Variants in IPO4 observed in about 807,000 individuals in gnomAD.
The protein encoded by IPO4 is importin-4.
In IPO4, 91 loss-of-function variants were observed where a neutral mutation model predicts 133.5. The ratio of observed to expected loss-of-function variants is 0.68; its 90% CI spans 0.58 to 0.81. The LOEUF is 0.81. Among genes scored for constraint, IPO4 ranks in the 30% least tolerant of loss-of-function variants. The pLI is 0.00. For missense variants in IPO4, 1,279 were observed against 1,386.2 expected, an observed-to-expected ratio of 0.92 and a Z score of 1.23; for synonymous variants, 607 against 581.6, an observed-to-expected ratio of 1.04 and a Z score of -0.63.
Position 24,185,249 on chromosome 14 carries a change from GCAC to G in IPO4, c.1339_1341del (p.Val447del), listed in dbSNP as rs745538151. The G allele has an allele frequency of 6.2e-7, 1 of 1,614,160 alleles. No homozygotes were observed. Among genetic ancestry groups the G allele is most frequent in the Non-Finnish European group, 8.5e-7 (1 of 1,180,018 alleles). On this transcript the variant is annotated inframe_deletion, in exon 14 of 30. Coordinates refer to ENST00000354464, the MANE Select transcript of IPO4 (RefSeq NM_024658.4). ...GCTAGGTGGTGTGTGTGTCCAAGAG[GCAC>G]CGACTTCAAGTAGGCGAGGAGCAGT...
intron 17 of IPO4, 37 bp downstream of exon 17, chr14:24,184,261 G>T: frequency 6.4e-7 from 1 of 1,572,926 alleles, no homozygotes; most frequent in East Asian, 2.3e-5. Context: ...CAGGAGGGGA[G>T]GGGACAAGGG....
Position 24,181,720 on chromosome 14 carries a change from T to C in IPO4, c.2931A>G (p.Pro977=). 2.5e-6 allele frequency: 4 copies of C among 1,602,770 alleles called. No individual in the cohort carries two copies. The highest frequency in any genetic ancestry group is 2.6e-6 in the Non-Finnish European group (3 of 1,172,914). The change falls in exon 27 of 30, where the codon CCA becomes CCG. Residue 977 remains proline (P), a synonymous_variant. Transcript: ENST00000354464. Reference sequence around the variant, plus strand: ...TGTCTCCCTCCCTCACCTGGGGCTCTGGTTTCCTGGTGGGACTGGCCATCA... The same window carrying C: ...TGTCTCCCTCCCTCACCTGGGGCTCCGGTTTCCTGGTGGGACTGGCCATCA... ...RLLMASPTRK[P]EPQVLAALLH...
At position 24,187,688 on chromosome 14, in the gene IPO4, G is replaced by A. The variant is rs745989021; in HGVS notation, c.387C>T (p.Ser129=). Reference sequence around the variant, plus strand: ...GTACCTCTCTCTCTGGGCTGTGGGGGCTGTGGGTACTGTGCTGAAGCAGCT... The same window carrying A: ...GTACCTCTCTCTCTGGGCTGTGGGGACTGTGGGTACTGTGCTGAAGCAGCT... ...LLQLLQHSTH[S]PHSPEREMGL... The change falls in exon 5 of 30, where the codon AGC becomes AGT. Residue 129 remains serine, a synonymous_variant. Transcript: ENST00000354464. 1.5e-5 allele frequency: 24 copies of A among 1,614,108 alleles called. No individual in the cohort carries two copies. The highest frequency in any genetic ancestry group is 1.9e-5 in the Non-Finnish European group (22 of 1,180,038).
In IPO4 at chr14:24,185,227, A is replaced by T. The variant is rs2039201873; in HGVS notation, c.1364T>A (p.Leu455Gln). 1 of 1,614,110 alleles carries T rather than the reference A, an allele frequency of 6.2e-7. No homozygotes were observed. The highest frequency in any genetic ancestry group is 2.2e-5 in the East Asian group (1 of 44,878). The change falls in exon 14 of 30, where the codon CTA becomes CAA. Residue 455 changes from leucine (L) to glutamine (Q), a missense_variant. Physicochemically the swap from Leu to Gln is moderately radical, Grantham distance 113. Coordinates refer to ENST00000354464, the MANE Select transcript of IPO4 (RefSeq NM_024658.4). ...CTCCAGGGCATAGCAGGCCTTGGCT[A>T]GGTGGTGTGTGTGTCCAAGAGGCAC... ...KSVPLGHTHH[L>Q]AKACYALENF... is the part of the protein sequence containing the mutation.
chr14:24,186,622 AC>A (rs770445888), intron 9 of IPO4, 85 bp downstream of exon 9: 43 of 1,395,274 alleles, frequency 3.1e-5, no homozygotes, highest in Admixed American at 7.3e-5. Context: ...TACTTTAGAT[AC>A]CCTGAGATGG....
In IPO4 at chr14:24,184,842, CCCTGCCT is replaced by C. The variant is rs1255121377; in HGVS notation, c.1522+18_1522+24del. On this transcript the variant is annotated intron_variant, in intron 15 of 29. Transcript: ENST00000354464. ...CAGGGCCTTTGGGTGAACCCCACAT[CCCTGCCT>C]CCTGCCTCTCTCCTCACCAATGGCT... 1 of 1,609,980 alleles carries C rather than the reference CCCTGCCT, an allele frequency of 6.2e-7. No individual in the cohort carries two copies. The highest frequency in any genetic ancestry group is 8.5e-7 in the Non-Finnish European group (1 of 1,176,968).
intron 14 of IPO4, 45 bp from the exon 15 acceptor site, chr14:24,185,025 C>T (rs770090388): frequency 1.6e-5 from 25 of 1,595,446 alleles, no homozygotes; most frequent in Admixed American, 1.0e-4. Flanking sequence ...AGGTCTGCTA[C>T]CTGCACGCCC....
At chr14:24,181,387 CTGAAACTGTCACCTTGCATCAGG>C (rs1240182392) in intron 28 of IPO4, 103 bp downstream of exon 28, 1 of 725,554 alleles carries the variant, frequency 1.4e-6, no homozygotes, top group African/African-American at 1.7e-5. Flanking sequence ...AAAAGAACAG[CTGAAACTGTCACCTTGCATCAGG>C]TGCAACTGAC....
Position 24,185,935 on chromosome 14 carries a change from G to A in IPO4, c.1095C>T (p.Ser365=), listed in dbSNP as rs1475268660. 6.2e-7 allele frequency: 1 copy of A among 1,613,954 alleles called. No homozygotes were observed. The highest frequency in any genetic ancestry group is 1.3e-5 in the African/African-American group (1 of 74,928). The part of the protein sequence containing the change: ...PMLEEALRSE[S]PYQRKAGLLV... ...GGAGTCCAGCTTTGCGCTGGTATGG[G>A]CTCTCGCTCCGCAAAGCCTCTTCCA... The change falls in exon 12 of 30, where the codon AGC becomes AGT. Residue 365 remains serine, a synonymous_variant. Coordinates refer to ENST00000354464, the MANE Select transcript of IPO4 (RefSeq NM_024658.4).
chr14:24,183,288 T>C lies in IPO4; in HGVS notation c.2189A>G (p.Lys730Arg). ...ALGQFCCALH[K>R]ACQSCPSEPN... ...TTCCGAGGGGCAGCTTTGACAGGCC[T>C]TGTGCAGTGCACAGCAAAACTGACC... Residue 730 changes from lysine to arginine, a missense_variant, in exon 22 of 30, where the codon AAG becomes AGG. Lys to Arg is a conservative substitution (Grantham distance 26). Coordinates refer to ENST00000354464, the MANE Select transcript of IPO4 (RefSeq NM_024658.4). 6.2e-7 allele frequency: 1 copy of C among 1,613,640 alleles called. No homozygotes were observed. Among genetic ancestry groups the C allele is most frequent in the Non-Finnish European group, 8.5e-7 (1 of 1,179,828 alleles).
At position 24,183,257 on chromosome 14, in the gene IPO4, G is replaced by T. The variant is rs755959515; in HGVS notation, c.2220C>A (p.Asn740Lys). 2 of 1,613,650 alleles carry T rather than the reference G, an allele frequency of 1.2e-6. No homozygotes were observed. Among genetic ancestry groups the T allele is most frequent in the South Asian group, 2.2e-5 (2 of 90,996 alleles). ...KACQSCPSEPNTAALQAALAR... is the reference protein window; with the variant it reads ...KACQSCPSEPKTAALQAALAR... ...GGCCCAGCCTCTCCTCACCAGCAGTGTTGGGTTCCGAGGGGCAGCTTTGAC... is the reference window on the plus strand; with the variant it reads ...GGCCCAGCCTCTCCTCACCAGCAGTTTTGGGTTCCGAGGGGCAGCTTTGAC... Residue 740 changes from asparagine (N) to lysine (K), a missense_variant, in exon 22 of 30, where the codon AAC becomes AAA. Coordinates refer to ENST00000354464, the MANE Select transcript of IPO4 (RefSeq NM_024658.4).
In IPO4 at chr14:24,183,878, G is replaced by T; in HGVS notation, c.1890C>A (p.Ser630Arg). ...TCTCATCGTCAAACAGAAGGAAGGA[G>T]CTGCTCCCGTCATACTGAGGCTGGA... is the stretch of plus-strand genomic sequence containing the variant. ...EGIVPQYDGS[S>R]SFLLFDDESD... Residue 630 changes from serine (S) to arginine (R), a missense_variant, in exon 19 of 30, where the codon AGC becomes AGA. By Grantham distance (110) the Ser-to-Arg change is moderately radical. Transcript: ENST00000354464. The T allele has an allele frequency of 6.2e-7, 1 of 1,614,054 alleles. No homozygotes were observed. The highest frequency in any genetic ancestry group is 8.5e-7 in the Non-Finnish European group (1 of 1,180,020).
intron 17 of IPO4, 29 bp from the exon 18 acceptor site, chr14:24,184,138 A>G (rs1452482060): frequency 6.2e-7 from 1 of 1,600,810 alleles, no homozygotes; most frequent in African/African-American, 1.3e-5. Flanking sequence ...AGAAGCTGTA[A>G]GGTCCTGCCT....
In IPO4 at chr14:24,187,523, G is replaced by C. The variant is rs145493403; in HGVS notation, c.465C>G (p.Pro155=). The C allele has an allele frequency of 3.7e-6, 6 of 1,614,044 alleles. No homozygotes were observed. The East Asian group carries it at 1.3e-4, about 36-fold the overall frequency. The change falls in exon 6 of 30, where the codon CCC becomes CCG. Residue 155 remains proline (P), a synonymous_variant. Transcript: ENST00000354464. ...GAAGCCGAAGAAGCTCCCGGTGGTG[G>C]GGTTGGAAGGCCTCGGGCCGGGAGG... ...VVTSRPEAFQ[P]HHRELLRLLN...
At chr14:24,186,554 T>C in intron 9 of IPO4, 103 bp from the exon 10 acceptor site, 1 of 1,422,708 alleles carries the variant, frequency 7.0e-7, no homozygotes, top group Non-Finnish European at 9.5e-7. Context: ...GACAGAAAAT[T>C]CCCAACCTCC....
intron 12 of IPO4, 28 bp downstream of exon 12, chr14:24,185,833 C>G (rs1456570684): frequency 1.3e-6 from 2 of 1,564,752 alleles, no homozygotes; most frequent in Non-Finnish European, 1.8e-6. Flanking sequence ...TGTGGGCAAC[C>G]CTCACCCTGG....
intron 2 of IPO4, 31 bp from the exon 3 acceptor site, chr14:24,188,454 C>A: frequency 6.2e-7 from 1 of 1,609,594 alleles, no homozygotes; most frequent in Non-Finnish European, 8.5e-7. Flanking sequence ...CGTGGGGGTC[C>A]GGGCAGGAAG....
chr14:24,187,909 G>A lies in IPO4; in HGVS notation c.279-113C>T, dbSNP rs1224123892. The A allele has an allele frequency of 1.0e-5, 14 of 1,357,062 alleles. No individual in the cohort carries two copies. The Admixed American group carries it at 2.0e-4, about 20-fold the overall frequency. 84.1% of individuals were successfully genotyped at this position (1,357,062 alleles called of 1,614,324 possible). The stretch of plus-strand genomic sequence containing the variant: ...AACTTTCAGGAGGTGTGGGCACAGG[G>A]TCTTTGCCAAGTTGGGACACATGAG... On this transcript the variant is annotated intron_variant, in intron 4 of 29. Coordinates refer to ENST00000354464, the MANE Select transcript of IPO4 (RefSeq NM_024658.4).
At chr14:24,185,631 GT>G in intron 12 of IPO4, 64 bp from the exon 13 acceptor site, 1 of 1,434,498 alleles carries the variant, frequency 7.0e-7, no homozygotes. Flanking sequence ...AGGCTGACCT[GT>G]TCTCTTCATT....
Sources: gnomAD v4.1 joint callset for allele counts on GRCh38, gnomAD v4.1.1 for gene constraint, MANE v1.5 for transcripts, NCBI Gene and HGNC (gene_info 2026-07-23, HGNC 2026-07-21) for gene names.